Variants in TIAM1 observed in about 807,000 individuals in gnomAD.
The protein encoded by TIAM1 is TIAM Rac1 associated GEF 1, also known as rho guanine nucleotide exchange factor TIAM1.
TIAM1 carries 65 observed loss-of-function variants against 163.5 expected under a neutral mutation model. The ratio of observed to expected loss-of-function variants is 0.40; its 90% CI spans 0.33 to 0.49. The LOEUF is 0.49. Among genes scored for constraint, TIAM1 ranks in the 20% least tolerant of loss-of-function variants. TIAM1 has a pLI of 0.77. For missense variants in TIAM1, 1,789 were observed against 2,044.7 expected (o/e 0.87, Z 2.41); for synonymous variants, 833 against 810.1 (o/e 1.03, Z -0.48).
At chr21:31,255,002 C>T (rs1167053151) in intron 4 of TIAM1, among the ~76,000 whole-genome samples, 1 of 152,110 alleles carries the variant, frequency 6.6e-6, no homozygotes, top group Non-Finnish European at 1.5e-5. Context: ...AGAGTAAGGC[C>T]TCAATGGACA....
chr21:31,227,851 C>A lies in TIAM1; in HGVS notation c.1585-1901G>T, dbSNP rs1030474926. Among the ~76,000 whole-genome samples the A allele has an allele frequency of 3.9e-5, 6 of 152,090 alleles. No individual in the cohort carries two copies. In the East Asian group the frequency reaches 9.6e-4, roughly 24 times the overall value. Reference sequence around the variant, plus strand: ...GCTGATGTACTGTACAAAGCTTGATCATTGGATCTCCCAGTGCCTCACAAT... The same window carrying A: ...GCTGATGTACTGTACAAAGCTTGATAATTGGATCTCCCAGTGCCTCACAAT... On this transcript the variant is annotated intron_variant, in intron 6 of 27. Transcript: ENST00000541036.
At chr21:31,360,913 C>A (rs553713739) in intron 2 of TIAM1, among the ~76,000 whole-genome samples, 6 of 152,258 alleles carry the variant, frequency 3.9e-5, no homozygotes, top group African/African-American at 1.4e-4. Context: ...CCAAGGTTTT[C>A]TGAGGGCATA....
intron 1 of TIAM1, among the ~76,000 whole-genome samples, chr21:31,469,694 T>C: frequency 6.6e-6 from 1 of 151,660 alleles, no homozygotes; most frequent in East Asian, 2.0e-4. Flanking sequence ...TAGCCGGGTG[T>C]GGTGGCGGGC....
At chr21:31,146,836 T>C (rs2083141958) in intron 20 of TIAM1, 59 bp downstream of exon 20, 6 of 1,418,630 alleles carry the variant, frequency 4.2e-6, no homozygotes, top group Non-Finnish European at 5.9e-6. Flanking sequence ...CCCCAACCAC[T>C]GTCAGCCACA....
At chr21:31,527,244 C>T (rs2047818868) in intron 1 of TIAM1, among the ~76,000 whole-genome samples, 1 of 152,116 alleles carries the variant, frequency 6.6e-6, no homozygotes. Context: ...GCTGAAACTC[C>T]TCCGTGGGAC....
At chr21:31,489,493 G>GAGAA (rs1569377719) in intron 1 of TIAM1, among the ~76,000 whole-genome samples, 1 of 132,926 alleles carries the variant, frequency 7.5e-6, no homozygotes, top group Admixed American at 7.7e-5. Flanking sequence ...AAGAAAGAGA[G>GAGAA]AGAGGGAGGG....
intron 1 of TIAM1, among the ~76,000 whole-genome samples, chr21:31,546,135 T>TAC (rs2048479174): frequency 6.6e-6 from 1 of 151,362 alleles, no homozygotes; most frequent in African/African-American, 2.4e-5. Flanking sequence ...AAAGAATATT[T>TAC]ATAATGGGTA....
chr21:31,164,607 G>A (rs1018759082), intron 16 of TIAM1, among the ~76,000 whole-genome samples: 23 of 152,144 alleles, frequency 1.5e-4, no homozygotes, highest in Non-Finnish European at 3.1e-4. Context: ...TAGCAAGAAA[G>A]CATAGCTGAC....
chr21:31,552,718 C>T (rs777076047), intron 1 of TIAM1, among the ~76,000 whole-genome samples: 1 of 151,894 alleles, frequency 6.6e-6, no homozygotes, highest in Admixed American at 6.6e-5. Flanking sequence ...TGCAGTGAGC[C>T]GAGATTGTGC....
intron 1 of TIAM1, among the ~76,000 whole-genome samples, chr21:31,492,776 TACACACACACACACACACAC>T (rs3055373): frequency 0.057 from 7,938 of 139,766 alleles, 559 homozygotes; most frequent in African/African-American, 0.16. Context: ...TATTTTGGGT[TACACACACACACACACACAC>T]ACACACACAC....
In TIAM1 at chr21:31,227,916, T is replaced by G. The variant is rs573341518; in HGVS notation, c.1585-1966A>C. Among the ~76,000 whole-genome samples the G allele has an allele frequency of 7.5e-4, 114 of 151,570 alleles. 1 individual carries two copies. Among genetic ancestry groups the G allele is most frequent in the African/African-American group, 2.8e-3 (114 of 41,318 alleles). ...TTAGGTGGGGTTATACTCCCAGCCC[T>G]TTTTTTTGAGACGGAGTCTGTCTGT... On this transcript the variant is annotated intron_variant, in intron 6 of 27. Transcript: ENST00000541036.
chr21:31,335,705 C>A (rs1184185295), intron 2 of TIAM1, among the ~76,000 whole-genome samples: 74 of 143,848 alleles, frequency 5.1e-4, no homozygotes, highest in East Asian at 1.7e-3. Context: ...ACTCTGTCTC[C>A]AAAAAAAAAG....
At chr21:31,455,666 CAAAATCT>C (rs1289590061) in intron 2 of TIAM1, among the ~76,000 whole-genome samples, 1 of 152,130 alleles carries the variant, frequency 6.6e-6, no homozygotes, top group Non-Finnish European at 1.5e-5. Flanking sequence ...TAGAACAGCT[CAAAATCT>C]GGACCACCAG....
At chr21:31,323,272 A>G (rs2075376038) in intron 2 of TIAM1, among the ~76,000 whole-genome samples, 1 of 151,190 alleles carries the variant, frequency 6.6e-6, no homozygotes, top group African/African-American at 2.4e-5. Flanking sequence ...TGGGCAACAG[A>G]GCGAGACTTT....
intron 1 of TIAM1, among the ~76,000 whole-genome samples, chr21:31,556,814 G>A (rs1435466789): frequency 2.0e-5 from 3 of 152,116 alleles, no homozygotes; most frequent in Admixed American, 6.5e-5. Context: ...TAATTACTTA[G>A]CAACGTCGGT....
At chr21:31,238,496 A>G (rs559476280) in intron 6 of TIAM1, among the ~76,000 whole-genome samples, 2 of 152,198 alleles carry the variant, frequency 1.3e-5, no homozygotes, top group Admixed American at 1.3e-4. Flanking sequence ...TCTACTAGCA[A>G]TTTTATGGCC....
chr21:31,390,180 A>G (rs553115447), intron 2 of TIAM1, among the ~76,000 whole-genome samples: 53 of 152,286 alleles, frequency 3.5e-4, no homozygotes, highest in Non-Finnish European at 5.9e-4. Flanking sequence ...TAATGTTTTC[A>G]GTTTTGATTA....
At chr21:31,427,481 T>C (rs945879926) in intron 2 of TIAM1, among the ~76,000 whole-genome samples, 62 of 150,424 alleles carry the variant, frequency 4.1e-4, no homozygotes, top group Non-Finnish European at 7.1e-4. Context: ...AGCGAGACTC[T>C]GTCTCAAAAA....
intron 2 of TIAM1, among the ~76,000 whole-genome samples, chr21:31,360,704 CA>C (rs1864125055): frequency 6.6e-6 from 1 of 152,086 alleles, no homozygotes. Flanking sequence ...CTGTACAAAT[CA>C]ATAAGAAAAA....
Sources: allele counts gnomAD v4.1 joint callset (sites outside exome capture counted in the v4.1 genomes callset), GRCh38; gene constraint gnomAD v4.1.1; transcripts MANE v1.5; gene names NCBI Gene and HGNC (gene_info 2026-07-23, HGNC 2026-07-21).